Variants in SHB observed in about 807,000 individuals in gnomAD.
The protein encoded by SHB is SH2 domain-containing adapter protein B.
In SHB, 20 loss-of-function variants were observed where a neutral mutation model predicts 52.3. That is an observed-to-expected ratio of 0.38 (90% CI 0.27 to 0.56). The LOEUF (loss-of-function observed/expected upper bound fraction) is 0.56. Ranked by LOEUF, SHB falls within the 20% of genes least tolerant of loss-of-function variation. SHB has a pLI of 0.71. For synonymous variants in SHB, 397 were observed against 316.5 expected (o/e 1.25, Z -2.70); for missense variants, 825 against 723.3 (o/e 1.14, Z -1.61).
At chr9:37,993,942 C>A (rs1820914941) in intron 2 of SHB, among the ~76,000 whole-genome samples, 1 of 152,168 alleles carries the variant, frequency 6.6e-6, no homozygotes, top group Non-Finnish European at 1.5e-5. Flanking sequence ...GAAGCTGAGA[C>A]CCAGGACGGC....
At chr9:38,017,907 A>T (rs1821235463) in intron 1 of SHB, among the ~76,000 whole-genome samples, 1 of 152,182 alleles carries the variant, frequency 6.6e-6, no homozygotes, top group South Asian at 2.1e-4. Flanking sequence ...AAAATTATAC[A>T]CATAAACTGC....
chr9:38,000,756 T>G (rs1247220224), intron 2 of SHB, among the ~76,000 whole-genome samples: 2 of 152,220 alleles, frequency 1.3e-5, no homozygotes, highest in Non-Finnish European at 2.9e-5. Context: ...GAGGCTTTAC[T>G]TGCCACATAG....
chr9:38,063,003 G>T (rs1821914718), intron 1 of SHB, among the ~76,000 whole-genome samples: 1 of 152,200 alleles, frequency 6.6e-6, no homozygotes, highest in African/African-American at 2.4e-5. Context: ...CTCCCAGTGG[G>T]ACAGTGAGGA....
Position 37,966,435 on chromosome 9 carries a change from G to A in SHB, c.1054+8187C>T, listed in dbSNP as rs1388946692. ...GATTACTAAATGAATTTATTCATAC[G>A]TCAAATAGAAAAACCAACTGGAAAA... On this transcript the variant is annotated intron_variant, in intron 3 of 5. Transcript: ENST00000377707. Among the ~76,000 whole-genome samples the A allele has an allele frequency of 4.0e-5, 6 of 151,752 alleles. No homozygotes were observed. The East Asian group carries it at 7.7e-4, about 19-fold the overall frequency.
chr9:37,974,555 TG>T, intron 3 of SHB, 66 bp downstream of exon 3: 1 of 1,388,746 alleles, frequency 7.2e-7, no homozygotes, highest in South Asian at 1.2e-5. Flanking sequence ...TGAGCGCAGG[TG>T]GGGACCAAGG....
chr9:37,952,248 G>A (rs1014734039), intron 4 of SHB, among the ~76,000 whole-genome samples: 7 of 152,184 alleles, frequency 4.6e-5, no homozygotes, highest in African/African-American at 1.4e-4. Context: ...TGAGATGCCC[G>A]CTTAGAAATG....
chr9:38,054,448 C>T (rs1385144267), intron 1 of SHB, among the ~76,000 whole-genome samples: 1 of 152,256 alleles, frequency 6.6e-6, no homozygotes, highest in Non-Finnish European at 1.5e-5. Context: ...CACATGCCTG[C>T]ACAGTTAACA....
chr9:38,020,355 A>G (rs566021210), intron 1 of SHB, among the ~76,000 whole-genome samples: 1 of 152,242 alleles, frequency 6.6e-6, no homozygotes, highest in African/African-American at 2.4e-5. Context: ...TTTAACAAGC[A>G]AGCCAGGTGA....
chr9:38,028,520 T>C (rs1821372873), intron 1 of SHB, among the ~76,000 whole-genome samples: 1 of 152,134 alleles, frequency 6.6e-6, no homozygotes, highest in Non-Finnish European at 1.5e-5. Flanking sequence ...CCTGACTGCC[T>C]CTAAAACCAA....
At chr9:38,052,646 C>T (rs1343778280) in intron 1 of SHB, among the ~76,000 whole-genome samples, 1 of 152,144 alleles carries the variant, frequency 6.6e-6, no homozygotes, top group African/African-American at 2.4e-5. Context: ...TAGAGCCTCC[C>T]CACCCCCACT....
chr9:37,991,742 C>T (rs1820884178), intron 2 of SHB, among the ~76,000 whole-genome samples: 1 of 152,178 alleles, frequency 6.6e-6, no homozygotes, highest in African/African-American at 2.4e-5. Context: ...AAGTGATGCC[C>T]ATCACCCAAT....
intron 5 of SHB, among the ~76,000 whole-genome samples, chr9:37,925,087 G>A (rs1832232170): frequency 6.6e-6 from 1 of 152,202 alleles, no homozygotes; most frequent in South Asian, 2.1e-4. Context: ...TACATGCCTG[G>A]CACACAGCTG....
intron 5 of SHB, among the ~76,000 whole-genome samples, chr9:37,922,721 C>T (rs545182972): frequency 9.2e-5 from 14 of 152,232 alleles, no homozygotes; most frequent in African/African-American, 3.1e-4. Flanking sequence ...GGGAGAAAGG[C>T]GCGTTCACAT....
At chr9:38,030,097 T>A (rs771038186) in intron 1 of SHB, among the ~76,000 whole-genome samples, 1 of 152,120 alleles carries the variant, frequency 6.6e-6, no homozygotes, top group Admixed American at 6.5e-5. Flanking sequence ...CAAAGTCCAG[T>A]GAGGGCATGA....
chr9:38,008,460 T>C (rs1821097740), intron 2 of SHB, among the ~76,000 whole-genome samples: 1 of 152,232 alleles, frequency 6.6e-6, no homozygotes, highest in Non-Finnish European at 1.5e-5. Flanking sequence ...GGTAAGTCAT[T>C]CTGGCAAATG....
At chr9:38,032,017 G>A (rs374865728) in intron 1 of SHB, among the ~76,000 whole-genome samples, 16 of 152,212 alleles carry the variant, frequency 1.1e-4, no homozygotes, top group African/African-American at 3.4e-4. Flanking sequence ...ACCTGGGACC[G>A]GGCAGGACTC....
intron 3 of SHB, among the ~76,000 whole-genome samples, chr9:37,970,312 C>T (rs565618401): frequency 3.9e-5 from 6 of 152,236 alleles, no homozygotes; most frequent in Non-Finnish European, 8.8e-5. Context: ...GTCAGCCATT[C>T]TCAGAGAAGG....
At chr9:37,991,134 C>T (rs1820875224) in intron 2 of SHB, among the ~76,000 whole-genome samples, 1 of 152,124 alleles carries the variant, frequency 6.6e-6, no homozygotes, top group Admixed American at 6.5e-5. Context: ...TTGATATTAT[C>T]AATATCTGTG....
At chr9:37,920,039 C>G (rs1351375179) in intron 5 of SHB, 35 bp from the exon 6 acceptor site, 2 of 1,564,012 alleles carry the variant, frequency 1.3e-6, no homozygotes, top group African/African-American at 1.4e-5. Context: ...AGAACTACCC[C>G]CCTGACACTC....
Sources: allele counts gnomAD v4.1 joint callset (sites outside exome capture counted in the v4.1 genomes callset), GRCh38; gene constraint gnomAD v4.1.1; transcripts MANE v1.5; gene names NCBI Gene and HGNC (gene_info 2026-07-23, HGNC 2026-07-21).